The following RANBP2 variants were observed in gnomAD, a reference collection of about 807,000 sequenced individuals.
RANBP2 encodes RAN binding protein 2, also known as E3 SUMO-protein ligase RanBP2.
In RANBP2, 57 loss-of-function variants were observed where a neutral mutation model predicts 303.6. The ratio of observed to expected loss-of-function variants is 0.19; its 90% confidence interval spans 0.15 to 0.23. The LOEUF (loss-of-function observed/expected upper bound fraction) is 0.23, where lower values mean the gene tolerates loss of function less well. Among genes scored for constraint, RANBP2 ranks in the 10% least tolerant of loss-of-function variants. The pLI is 1.00. For synonymous variants in RANBP2, 1,167 were observed against 1,301.5 expected, an observed-to-expected ratio of 0.90 and a Z score of 2.23; for missense variants, 3,138 against 3,780.8, an observed-to-expected ratio of 0.83 and a Z score of 4.46.
At chr2:109,519,519 T>G in the RANBP2 span, among the ~76,000 whole-genome samples, 1 of 152,226 alleles carries the variant, frequency 6.6e-6, no homozygotes, top group Admixed American at 6.5e-5. Flanking sequence ...GAGAGAGGCC[T>G]CAAGAACTCA....
At chr2:109,640,618 C>T in the RANBP2 span, among the ~76,000 whole-genome samples, 4 of 152,232 alleles carry the variant, frequency 2.6e-5, no homozygotes, top group East Asian at 1.9e-4. Context: ...GAGGGCCTCG[C>T]GGGACTGCAG....
chr2:109,326,545 G>T, the RANBP2 span, among the ~76,000 whole-genome samples: 3 of 152,204 alleles, frequency 2.0e-5, no homozygotes, highest in Non-Finnish European at 4.4e-5. Context: ...AATCTGGTGG[G>T]TGTGAAATGG....
chr2:109,338,782 T>C, the RANBP2 span, among the ~76,000 whole-genome samples: 1 of 152,208 alleles, frequency 6.6e-6, no homozygotes, highest in Non-Finnish European at 1.5e-5. Context: ...GGTCTCGAAC[T>C]CTTGACCTCA....
At chr2:109,254,165 G>T in the RANBP2 span, among the ~76,000 whole-genome samples, 1 of 152,156 alleles carries the variant, frequency 6.6e-6, no homozygotes, top group African/African-American at 2.4e-5. Context: ...AAAACATGAA[G>T]AAAATCACAT....
At position 108,777,241 on chromosome 2, in the gene RANBP2, A is replaced by G. The variant is rs1677950848; in HGVS notation, c.8599+10A>G. On this transcript the variant is annotated intron_variant, in intron 25 of 28. Coordinates refer to ENST00000283195, the MANE Select transcript of RANBP2 (RefSeq NM_006267.5). ...GCTTTTGGTTCTAAAGGTAAGATCA[A>G]GAGGAGAGACTTTTAATGACATTGT... The G allele has an allele frequency of 6.2e-7, 1 of 1,608,600 alleles. No individual in the cohort carries two copies. Among genetic ancestry groups the G allele is most frequent in the South Asian group, 1.1e-5 (1 of 90,906 alleles).
intron 25 of RANBP2, among the ~76,000 whole-genome samples, chr2:108,778,248 A>G (rs1678016993): frequency 2.6e-5 from 4 of 152,222 alleles, no homozygotes; most frequent in Non-Finnish European, 4.4e-5. Context: ...GGAGGAAACC[A>G]TGCCTAAATA....
the RANBP2 span, chr2:109,545,273 G>A: frequency 7.1e-7 from 1 of 1,407,242 alleles, no homozygotes; most frequent in Non-Finnish European, 9.3e-7. Flanking sequence ...AAACCGACAG[G>A]GATACTTAAG....
chr2:109,390,809 G>T, the RANBP2 span, among the ~76,000 whole-genome samples: 1 of 152,204 alleles, frequency 6.6e-6, no homozygotes, highest in Non-Finnish European at 1.5e-5. Flanking sequence ...CCCACTATGA[G>T]ATGAGCCTGG....
chr2:109,706,313 C>A, the RANBP2 span, among the ~76,000 whole-genome samples: 1 of 152,214 alleles, frequency 6.6e-6, no homozygotes. Context: ...AAAGAAAGGC[C>A]ACGTGACTTC....
At chr2:109,247,589 C>T in the RANBP2 span, among the ~76,000 whole-genome samples, 9 of 152,210 alleles carry the variant, frequency 5.9e-5, no homozygotes, top group Non-Finnish European at 1.2e-4. Context: ...CACTTGGCGA[C>T]TTCTCTTTGT....
the RANBP2 span, among the ~76,000 whole-genome samples, chr2:109,212,784 C>T: frequency 6.6e-6 from 1 of 151,888 alleles, no homozygotes; most frequent in Non-Finnish European, 1.5e-5. Context: ...TTCCCTCTGC[C>T]CCTGGTATTT....
the RANBP2 span, among the ~76,000 whole-genome samples, chr2:109,093,858 G>T: frequency 6.6e-6 from 1 of 152,128 alleles, no homozygotes; most frequent in Non-Finnish European, 1.5e-5. Context: ...GGACTCCTGG[G>T]GAAAATCAGA....
chr2:109,363,411 A>C, the RANBP2 span, among the ~76,000 whole-genome samples: 2 of 152,168 alleles, frequency 1.3e-5, no homozygotes, highest in African/African-American at 4.8e-5. Flanking sequence ...TCTCTTGTAC[A>C]TGAGCATTGT....
the RANBP2 span, among the ~76,000 whole-genome samples, chr2:109,537,780 T>C: frequency 6.6e-6 from 1 of 152,118 alleles, no homozygotes; most frequent in Non-Finnish European, 1.5e-5. Flanking sequence ...ACCCTGTCTC[T>C]ACAAAAAATG....
chr2:109,527,824 T>C, the RANBP2 span, among the ~76,000 whole-genome samples: 3 of 152,210 alleles, frequency 2.0e-5, no homozygotes, highest in South Asian at 6.2e-4. Flanking sequence ...CCTATGAAGA[T>C]CCTCAAGTTG....
chr2:109,348,246 G>A, the RANBP2 span, among the ~76,000 whole-genome samples: 1 of 152,246 alleles, frequency 6.6e-6, no homozygotes, highest in Non-Finnish European at 1.5e-5. Flanking sequence ...AGAACCCTCA[G>A]TTAACCTGAG....
chr2:109,056,178 G>T, the RANBP2 span, among the ~76,000 whole-genome samples: 6 of 151,452 alleles, frequency 4.0e-5, no homozygotes, highest in South Asian at 8.4e-4. Flanking sequence ...GGAAGACAGG[G>T]TCTTGCTCTG....
the RANBP2 span, among the ~76,000 whole-genome samples, chr2:109,072,516 C>G: frequency 0.15 from 22,247 of 152,166 alleles, 1,673 homozygotes; most frequent in Non-Finnish European, 0.16. Context: ...GACTACCTGT[C>G]TGGGCTCCAA....
the RANBP2 span, among the ~76,000 whole-genome samples, chr2:109,624,954 G>T: frequency 6.6e-6 from 1 of 151,740 alleles, no homozygotes; most frequent in East Asian, 1.9e-4. Context: ...GGTGGTGGGT[G>T]CCTGTAATCC....
Sources: allele counts gnomAD v4.1 joint callset (sites outside exome capture counted in the v4.1 genomes callset), GRCh38; gene constraint gnomAD v4.1.1; transcripts MANE v1.5; gene names NCBI Gene and HGNC (gene_info 2026-07-23, HGNC 2026-07-21).